The following RBFOX3 variants were observed in gnomAD, a reference collection of about 807,000 sequenced individuals.
The protein encoded by RBFOX3 is RNA binding protein fox-1 homolog 3.
RBFOX3 carries 17 observed loss-of-function variants against 48.7 expected under a neutral mutation model. The observed-to-expected ratio is 0.35, with a 90% CI of 0.24 to 0.52. The LOEUF (loss-of-function observed/expected upper bound fraction) is 0.52, where lower values mean the gene tolerates loss of function less well. Ranked by LOEUF, RBFOX3 falls within the 20% of genes least tolerant of loss-of-function variation. The pLI is 0.94. For missense variants in RBFOX3, 382 were observed against 497.5 expected (o/e 0.77, Z 2.21); for synonymous variants, 212 against 209.5 (o/e 1.01, Z -0.10).
intron 4 of RBFOX3, among the ~76,000 whole-genome samples, chr17:79,177,350 GT>G (rs1158531500): frequency 6.6e-6 from 1 of 152,248 alleles, no homozygotes; most frequent in Non-Finnish European, 1.5e-5. Context: ...GACGGCAGCC[GT>G]TTGTGCTTCC....
At position 79,390,086 on chromosome 17, in the gene RBFOX3, G is replaced by A. The variant is rs1005283115; in HGVS notation, c.-174-82262C>T. Among the ~76,000 whole-genome samples the A allele has an allele frequency of 6.6e-6, 1 of 151,932 alleles. No individual in the cohort carries two copies. The highest frequency in any genetic ancestry group is 2.4e-5 in the African/African-American group (1 of 41,342). ...GGGTCTCCGCAGCCTCCGGGTCTCC[G>A]CAGCCTCCGGGTCTCCGTAGCCAGC... On this transcript the variant is annotated intron_variant, in intron 2 of 14. Coordinates refer to ENST00000693108, the MANE Select transcript of RBFOX3 (RefSeq NM_001350451.2). The surrounding 1 kb of genome is among the most constrained non-coding windows in gnomAD (Gnocchi z 4.2).
intron 1 of RBFOX3, among the ~76,000 whole-genome samples, chr17:79,508,475 T>G (rs1319613148): frequency 6.6e-6 from 1 of 152,200 alleles, no homozygotes; most frequent in Non-Finnish European, 1.5e-5. Flanking sequence ...TCCCTTGTTG[T>G]TATTCTTCTC....
At chr17:79,327,133 C>T (rs1024516385) in intron 2 of RBFOX3, among the ~76,000 whole-genome samples, 6 of 151,874 alleles carry the variant, frequency 4.0e-5, no homozygotes, top group Non-Finnish European at 7.4e-5. Flanking sequence ...GGGCTGGGTA[C>T]CCCCCACACC....
At chr17:79,178,623 G>A (rs1053696808) in intron 4 of RBFOX3, among the ~76,000 whole-genome samples, 6 of 152,086 alleles carry the variant, frequency 3.9e-5, no homozygotes, top group Non-Finnish European at 7.4e-5. Flanking sequence ...CAGAACAAAC[G>A]TCAGCTGCCA....
chr17:79,499,474 A>T (rs1252783802), intron 1 of RBFOX3, among the ~76,000 whole-genome samples: 2 of 152,150 alleles, frequency 1.3e-5, no homozygotes, highest in Non-Finnish European at 2.9e-5. Context: ...CCCATCCACC[A>T]TCCATTCATT....
Position 79,097,309 on chromosome 17 carries a change from G to C in RBFOX3, c.738C>G (p.Pro246=), listed in dbSNP as rs544051756. 5.2e-6 allele frequency: 8 copies of C among 1,542,548 alleles called. No homozygotes were observed. In the South Asian group the frequency reaches 8.4e-5, roughly 16 times the overall value. ...NTFRAAPPPP[P]IPTYGAALEQ... is the part of the protein sequence containing the mutation. ...GTACTCACGCTCCGTAAGTCGGGATGGGGGGTGGGGGTGGCGCAGCCCGAA... is the reference window on the plus strand; with the variant it reads ...GTACTCACGCTCCGTAAGTCGGGATCGGGGGTGGGGGTGGCGCAGCCCGAA... The change falls in exon 11 of 15, where the codon CCC becomes CCG. Residue 246 remains proline, a synonymous_variant. Transcript: ENST00000693108.
intron 2 of RBFOX3, among the ~76,000 whole-genome samples, chr17:79,462,128 C>T (rs1184662854): frequency 6.6e-6 from 1 of 152,220 alleles, no homozygotes; most frequent in Non-Finnish European, 1.5e-5. Flanking sequence ...CTCTAGAACA[C>T]AAGTTCTATG....
chr17:79,300,997 G>T (rs117703927), intron 3 of RBFOX3, among the ~76,000 whole-genome samples: 1 of 152,186 alleles, frequency 6.6e-6, no homozygotes, highest in Non-Finnish European at 1.5e-5. Flanking sequence ...CTTGACTTTG[G>T]GAGAACATGC....
At chr17:79,472,912 T>C (rs1052175542) in intron 2 of RBFOX3, among the ~76,000 whole-genome samples, 1 of 152,214 alleles carries the variant, frequency 6.6e-6, no homozygotes, top group Non-Finnish European at 1.5e-5. Context: ...TTTGTTTCTT[T>C]GTTTTGTTTT....
At chr17:79,127,536 G>A (rs2037619389) in intron 4 of RBFOX3, among the ~76,000 whole-genome samples, 1 of 152,180 alleles carries the variant, frequency 6.6e-6, no homozygotes, top group Non-Finnish European at 1.5e-5. Flanking sequence ...GGTCAAAGAA[G>A]TTTTAGGGAA....
At chr17:79,279,432 G>A (rs890022058) in intron 3 of RBFOX3, among the ~76,000 whole-genome samples, 13 of 152,156 alleles carry the variant, frequency 8.5e-5, no homozygotes, top group African/African-American at 2.2e-4. Context: ...TCCAGTGGGT[G>A]GAGGGAGCAT....
In RBFOX3 at chr17:79,159,917, G is replaced by C. The variant is rs139106500; in HGVS notation, c.-33-44169C>G. 7.5e-4 allele frequency among the ~76,000 whole-genome samples: 114 copies of C among 152,294 alleles called. 1 individual carries two copies. Among genetic ancestry groups the C allele is most frequent in the Admixed American group, 3.9e-3 (59 of 15,306 alleles). On this transcript the variant is annotated intron_variant, in intron 4 of 14. Transcript: ENST00000693108. ...CTTCAGCGAGGGTGCATGCGTGTCCGCCGAGTGTTCCAGCGTCCCGGGACA... is the reference window on the plus strand; with the variant it reads ...CTTCAGCGAGGGTGCATGCGTGTCCCCCGAGTGTTCCAGCGTCCCGGGACA...
chr17:79,386,327 A>G (rs1187248135), intron 2 of RBFOX3, among the ~76,000 whole-genome samples: 2 of 152,016 alleles, frequency 1.3e-5, no homozygotes, highest in African/African-American at 4.8e-5. Context: ...AGGAGGCTCC[A>G]TCACCTCCCA....
chr17:79,182,144 A>C (rs2052136810), intron 4 of RBFOX3, among the ~76,000 whole-genome samples: 1 of 152,086 alleles, frequency 6.6e-6, no homozygotes, highest in African/African-American at 2.4e-5. Flanking sequence ...TCCAGTCTCG[A>C]AGCCCCCAAC....
chr17:79,349,181 C>T (rs1466686962), intron 2 of RBFOX3, among the ~76,000 whole-genome samples: 1 of 152,042 alleles, frequency 6.6e-6, no homozygotes, highest in Non-Finnish European at 1.5e-5. Context: ...TGCTTGGAGT[C>T]CCTGCTTCAC....
At chr17:79,164,537 T>C (rs1399821126) in intron 4 of RBFOX3, among the ~76,000 whole-genome samples, 2 of 152,224 alleles carry the variant, frequency 1.3e-5, no homozygotes, top group Non-Finnish European at 2.9e-5. Flanking sequence ...CTTGGGTGCC[T>C]TGGCGCATGG....
At chr17:79,451,642 A>C (rs547909425) in intron 2 of RBFOX3, among the ~76,000 whole-genome samples, 7 of 152,322 alleles carry the variant, frequency 4.6e-5, no homozygotes, top group South Asian at 2.1e-4. Flanking sequence ...GCATCCGTGG[A>C]GCACCCACCC....
At chr17:79,106,531 C>G in intron 6 of RBFOX3, 120 bp downstream of exon 6, 2 of 1,275,168 alleles carry the variant, frequency 1.6e-6, no homozygotes, top group South Asian at 1.8e-5. Flanking sequence ...AGGCTCCCTG[C>G]GCAGTGGGAG....
intron 1 of RBFOX3, among the ~76,000 whole-genome samples, chr17:79,517,064 A>G (rs968612899): frequency 1.3e-5 from 2 of 152,118 alleles, no homozygotes; most frequent in Non-Finnish European, 2.9e-5. Flanking sequence ...TTGCACGGCA[A>G]TGTGAAGGTG....
Sources: gnomAD v4.1 joint callset for allele counts (sites outside exome capture counted in the v4.1 genomes callset) on GRCh38, gnomAD v4.1.1 for gene constraint, Gnocchi (gnomAD v3.1) non-coding constraint, MANE v1.5 for transcripts, NCBI Gene and HGNC (gene_info 2026-07-23, HGNC 2026-07-21) for gene names.